CPEB3: variants seen among roughly 807,000 people sequenced by gnomAD.
The protein encoded by CPEB3 is cytoplasmic polyadenylation element-binding protein 3.
Under a neutral mutation model 67.2 loss-of-function variants are expected in CPEB3, and 20 were observed. The ratio of observed to expected loss-of-function variants is 0.30; its 90% CI spans 0.21 to 0.43. The LOEUF (loss-of-function observed/expected upper bound fraction) is 0.43. CPEB3 is among the 20% of genes least tolerant of loss of function. The probability of loss-of-function intolerance (pLI) is 1.00; values close to 1 mark genes in which losing one functional copy is unlikely to be tolerated. For missense variants in CPEB3, 746 were observed against 968.6 expected, an observed-to-expected ratio of 0.77 and a Z score of 3.05; for synonymous variants, 376 against 393.1, an observed-to-expected ratio of 0.96 and a Z score of 0.51.
chr10:92,190,580 G>A (rs1320101090), intron 3 of CPEB3, among the ~76,000 whole-genome samples: 4 of 144,350 alleles, frequency 2.8e-5, no homozygotes, highest in Non-Finnish European at 4.5e-5. Context: ...CAGGAGAATC[G>A]CTTGAACCCA....
chr10:92,052,054 C>G lies in CPEB3; in HGVS notation c.*158G>C, dbSNP rs1476893058. 5 of 589,690 alleles carry G rather than the reference C, an allele frequency of 8.5e-6. No homozygotes were observed. The highest frequency in any genetic ancestry group is 1.5e-5 in the Non-Finnish European group (5 of 332,050). 36.5% of individuals were successfully genotyped at this position (589,690 alleles called of 1,614,324 possible). A position where few individuals can be genotyped will look rare whatever the true frequency, so the allele number is the denominator to read the frequency against. The stretch of plus-strand genomic sequence containing the variant: ...CTGGACACTGAGTTCAGTAATATGA[C>G]TGTAAATAATAATAATAATAATAAA... On this transcript the variant is annotated 3_prime_UTR_variant, in exon 10 of 10. Transcript: ENST00000265997.
chr10:92,052,494 G>T, intron 9 of CPEB3, 55 bp from the exon 10 acceptor site: 1 of 1,510,138 alleles, frequency 6.6e-7, no homozygotes, highest in Non-Finnish European at 9.1e-7. Flanking sequence ...TTCCTTACAT[G>T]TCTTGCTTTT....
chr10:92,126,929 T>C (rs1276806300), intron 6 of CPEB3, among the ~76,000 whole-genome samples: 3 of 152,216 alleles, frequency 2.0e-5, no homozygotes, highest in Admixed American at 6.5e-5. Flanking sequence ...TCTGATCAAG[T>C]AATGAACTCA....
chr10:92,252,347 C>T (rs938635757), intron 1 of CPEB3, among the ~76,000 whole-genome samples: 12 of 152,130 alleles, frequency 7.9e-5, no homozygotes, highest in Non-Finnish European at 1.0e-4. Flanking sequence ...AAGTATAGTT[C>T]GGTATAACTA....
Position 92,104,602 on chromosome 10 carries a change from C to T in CPEB3, c.1572+6474G>A, listed in dbSNP as rs553863963. 1.5e-3 allele frequency among the ~76,000 whole-genome samples: 228 copies of T among 151,894 alleles called. 1 individual carries two copies. The highest frequency in any genetic ancestry group is 4.8e-3 in the African/African-American group (200 of 41,458). ...CGGGGTTTCACCGTGTTAGCCAGGA[C>T]GGTCTCGATCTCCTGACCTCATAAT... is the stretch of plus-strand genomic sequence containing the variant. On this transcript the variant is annotated intron_variant, in intron 7 of 9. Coordinates refer to ENST00000265997, the MANE Select transcript of CPEB3 (RefSeq NM_014912.5).
At chr10:92,135,084 C>T (rs1024266209) in intron 6 of CPEB3, among the ~76,000 whole-genome samples, 6 of 152,110 alleles carry the variant, frequency 3.9e-5, no homozygotes, top group Admixed American at 2.0e-4. Context: ...TAGGAAATAC[C>T]ATTCAGGACA....
intron 9 of CPEB3, among the ~76,000 whole-genome samples, chr10:92,060,123 G>A (rs999640003): frequency 6.6e-6 from 1 of 151,820 alleles, no homozygotes; most frequent in Admixed American, 6.6e-5. Flanking sequence ...TTGGGAGGCC[G>A]AGGTGGGTGA....
chr10:92,185,302 G>T (rs539990381), intron 3 of CPEB3, among the ~76,000 whole-genome samples: 1 of 152,162 alleles, frequency 6.6e-6, no homozygotes, highest in Non-Finnish European at 1.5e-5. Flanking sequence ...TAAGTTAAAT[G>T]ATGCTGTGGA....
intron 1 of CPEB3, among the ~76,000 whole-genome samples, chr10:92,268,490 CT>C (rs1853160819): frequency 6.6e-6 from 1 of 152,094 alleles, no homozygotes; most frequent in Non-Finnish European, 1.5e-5. Flanking sequence ...AAATGTTTCT[CT>C]AATTTTAGAG....
chr10:92,220,828 G>A (rs971185784), intron 2 of CPEB3, among the ~76,000 whole-genome samples: 1 of 152,172 alleles, frequency 6.6e-6, no homozygotes, highest in Non-Finnish European at 1.5e-5. Flanking sequence ...ATTCTAGCCT[G>A]TAAGTAGTAG....
At chr10:92,159,003 T>C (rs1847338922) in intron 4 of CPEB3, among the ~76,000 whole-genome samples, 2 of 152,240 alleles carry the variant, frequency 1.3e-5, no homozygotes, top group African/African-American at 4.8e-5. Context: ...GGCTCACACC[T>C]GTAATCCCAG....
chr10:92,219,956 G>C (rs562098120), intron 2 of CPEB3, among the ~76,000 whole-genome samples: 1 of 152,176 alleles, frequency 6.6e-6, no homozygotes, highest in Non-Finnish European at 1.5e-5. Flanking sequence ...TCAGGAGTTC[G>C]ATACCAGCCT....
At chr10:92,159,756 T>C (rs1273064491) in intron 4 of CPEB3, among the ~76,000 whole-genome samples, 2 of 152,204 alleles carry the variant, frequency 1.3e-5, no homozygotes, top group African/African-American at 2.4e-5. Context: ...AGCCGGATAG[T>C]TGAAATACCA....
At chr10:92,065,922 C>A (rs1449244863) in intron 9 of CPEB3, among the ~76,000 whole-genome samples, 3 of 151,852 alleles carry the variant, frequency 2.0e-5, no homozygotes, top group Non-Finnish European at 4.4e-5. Context: ...GCTGAGACCC[C>A]CCCTCTCTAT....
At chr10:92,110,442 T>C (rs1170475501) in intron 7 of CPEB3, among the ~76,000 whole-genome samples, 1 of 152,254 alleles carries the variant, frequency 6.6e-6, no homozygotes, top group Non-Finnish European at 1.5e-5. Context: ...TCTCCACTGA[T>C]AGCTCTTCTG....
At chr10:92,254,544 G>C (rs1342258829) in intron 1 of CPEB3, among the ~76,000 whole-genome samples, 1 of 152,166 alleles carries the variant, frequency 6.6e-6, no homozygotes, top group Non-Finnish European at 1.5e-5. Flanking sequence ...CTCTCTGTTT[G>C]TTAGTCTTGG....
At chr10:92,073,531 T>C (rs982604913) in intron 9 of CPEB3, among the ~76,000 whole-genome samples, 1 of 152,124 alleles carries the variant, frequency 6.6e-6, no homozygotes, top group East Asian at 1.9e-4. Context: ...CTCAAGCTCC[T>C]GGGCTTAATA....
chr10:92,204,795 T>G (rs1300412028), intron 2 of CPEB3, among the ~76,000 whole-genome samples: 2 of 150,256 alleles, frequency 1.3e-5, no homozygotes, highest in African/African-American at 4.9e-5. Flanking sequence ...AAAATAAACA[T>G]AATAGAATAT....
chr10:92,074,013 A>G (rs1842850312), intron 9 of CPEB3, among the ~76,000 whole-genome samples: 1 of 152,210 alleles, frequency 6.6e-6, no homozygotes, highest in South Asian at 2.1e-4. Context: ...AAGCTGTGCA[A>G]AGTGCTCTCT....
Sources: gnomAD v4.1 joint callset for allele counts (sites outside exome capture counted in the v4.1 genomes callset) on GRCh38, gnomAD v4.1.1 for gene constraint, MANE v1.5 for transcripts, NCBI Gene and HGNC (gene_info 2026-07-23, HGNC 2026-07-21) for gene names.